The following MCU variants were observed in gnomAD, a reference collection of about 807,000 sequenced individuals.
MCU encodes the protein calcium uniporter protein, mitochondrial.
A neutral mutation model predicts 45.2 loss-of-function variants in MCU; 12 were observed. The ratio of observed to expected loss-of-function variants is 0.27; its 90% CI spans 0.17 to 0.43. The LOEUF is 0.43. MCU is among the 20% of genes least tolerant of loss of function. MCU has a pLI of 1.00. For synonymous variants in MCU, 160 were observed against 165.1 expected, an observed-to-expected ratio of 0.97 and a Z score of 0.24; for missense variants, 324 against 436.7, an observed-to-expected ratio of 0.74 and a Z score of 2.30.
chr10:72,857,574 A>G (rs2132866291), intron 2 of MCU, among the ~76,000 whole-genome samples: 1 of 152,250 alleles, frequency 6.6e-6, no homozygotes, highest in Middle Eastern at 3.4e-3. Context: ...TGAGGCTCAG[A>G]GAAGTTATAT....
intron 1 of MCU, among the ~76,000 whole-genome samples, chr10:72,736,192 T>C (rs1843250442): frequency 1.3e-5 from 2 of 152,230 alleles, no homozygotes; most frequent in African/African-American, 4.8e-5. Context: ...ATATGGATTT[T>C]TTTTTGCCAT....
At chr10:72,782,404 C>G (rs1211970802) in intron 1 of MCU, among the ~76,000 whole-genome samples, 1 of 152,258 alleles carries the variant, frequency 6.6e-6, no homozygotes, top group African/African-American at 2.4e-5. Context: ...GAGTTTTGCT[C>G]TTGTCACCTG....
chr10:72,829,868 T>C (rs142447444), intron 1 of MCU, among the ~76,000 whole-genome samples: 3 of 152,344 alleles, frequency 2.0e-5, no homozygotes, highest in Non-Finnish European at 4.4e-5. Flanking sequence ...TTGTTGTCTT[T>C]AGTAGATTCT....
chr10:72,775,510 A>G (rs548399628), intron 1 of MCU, among the ~76,000 whole-genome samples: 3 of 152,258 alleles, frequency 2.0e-5, no homozygotes, highest in East Asian at 1.9e-4. Flanking sequence ...ACCCAAAATT[A>G]GTAGTAGGAA....
chr10:72,730,395 TCTC>T (rs1843157695), intron 1 of MCU, among the ~76,000 whole-genome samples: 1 of 151,486 alleles, frequency 6.6e-6, no homozygotes, highest in Non-Finnish European at 1.5e-5. Flanking sequence ...TTCAAGCTAT[TCTC>T]CTGCCTCAGC....
chr10:72,771,527 C>T (rs1253058232), intron 1 of MCU, among the ~76,000 whole-genome samples: 1 of 152,130 alleles, frequency 6.6e-6, no homozygotes, highest in Non-Finnish European at 1.5e-5. Flanking sequence ...TTATAGTAGA[C>T]TGATTTATAA....
Position 72,884,285 on chromosome 10 carries a change from C to T in MCU, c.881C>T (p.Ala294Val), listed in dbSNP as rs1286271587. 1 of 1,606,488 alleles carries T rather than the reference C, an allele frequency of 6.2e-7. No individual in the cohort carries two copies. The highest frequency in any genetic ancestry group is 2.2e-5 in the East Asian group (1 of 44,774). Reference protein sequence around the residue: ...MTRQEYVYPEARDRQYLLFFH... With the variant: ...MTRQEYVYPEVRDRQYLLFFH... Reference sequence around the variant, plus strand: ...TTTTAGGAATATGTTTATCCAGAAGCCAGAGACAGACAATACTTACTATTT... The same window carrying T: ...TTTTAGGAATATGTTTATCCAGAAGTCAGAGACAGACAATACTTACTATTT... The change falls in exon 7 of 8, where the codon GCC (alanine) becomes GTC (valine). Residue 294 changes from alanine (A) to valine (V), a missense_variant. Around this residue, in one of 4 missense-constraint regions of MCU, gnomAD observed 76 missense variants for 99.4 expected, o/e 0.76. Transcript: ENST00000373053.
At chr10:72,748,951 A>G (rs938623089) in intron 1 of MCU, among the ~76,000 whole-genome samples, 3 of 152,160 alleles carry the variant, frequency 2.0e-5, no homozygotes, top group African/African-American at 7.2e-5. Context: ...ACTATTCCAC[A>G]CTATCAAATA....
intron 1 of MCU, among the ~76,000 whole-genome samples, chr10:72,739,582 T>A (rs943724558): frequency 6.6e-6 from 1 of 152,226 alleles, no homozygotes; most frequent in African/African-American, 2.4e-5. Context: ...CAACTTCTTA[T>A]GTTCCCAAAG....
chr10:72,780,135 G>C (rs559641488), intron 1 of MCU, among the ~76,000 whole-genome samples: 2 of 152,260 alleles, frequency 1.3e-5, no homozygotes, highest in Admixed American at 1.3e-4. Context: ...CTATAACCCA[G>C]ATGAACCTTG....
chr10:72,780,339 G>A (rs1345243545), intron 1 of MCU, among the ~76,000 whole-genome samples: 1 of 152,096 alleles, frequency 6.6e-6, no homozygotes, highest in Non-Finnish European at 1.5e-5. Flanking sequence ...AGATAGTGGT[G>A]ATGGTTACAT....
chr10:72,740,778 G>T (rs1589439399), intron 1 of MCU, among the ~76,000 whole-genome samples: 1 of 152,328 alleles, frequency 6.6e-6, no homozygotes, highest in East Asian at 1.9e-4. Flanking sequence ...GTTAAGTGTG[G>T]CTGTGTCTCA....
At chr10:72,878,957 C>T (rs1226618024) in intron 6 of MCU, among the ~76,000 whole-genome samples, 1 of 152,062 alleles carries the variant, frequency 6.6e-6, no homozygotes, top group Non-Finnish European at 1.5e-5. Context: ...CCAACCAATA[C>T]CAGCCAATAT....
At chr10:72,730,670 A>G (rs572129550) in intron 1 of MCU, 1 of 152,232 alleles carries the variant, frequency 6.6e-6, no homozygotes. Context: ...CAGTCTCTGA[A>G]TATGACCTCT....
chr10:72,849,083 A>G (rs549139232), intron 2 of MCU, among the ~76,000 whole-genome samples: 1 of 152,142 alleles, frequency 6.6e-6, no homozygotes, highest in East Asian at 1.9e-4. Flanking sequence ...ATTCGAGACC[A>G]GCCTGGCCAA....
intron 6 of MCU, among the ~76,000 whole-genome samples, chr10:72,878,504 C>G (rs1337585651): frequency 1.3e-5 from 2 of 152,116 alleles, no homozygotes; most frequent in African/African-American, 4.8e-5. Flanking sequence ...TACAAACAGA[C>G]ACAAGGACTC....
chr10:72,692,413 C>A, intron 1 of MCU, 112 bp downstream of exon 1: 1 of 974,058 alleles, frequency 1.0e-6, no homozygotes, highest in Non-Finnish European at 1.2e-6. Context: ...CTCCCGGCCG[C>A]TCCGGAGGTT....
chr10:72,786,798 G>A (rs1045829221), intron 1 of MCU, among the ~76,000 whole-genome samples: 12 of 152,170 alleles, frequency 7.9e-5, no homozygotes, highest in African/African-American at 2.9e-4. Flanking sequence ...AAGCACAAAA[G>A]CACTGCTTTT....
At chr10:72,881,874 A>G (rs907538918) in intron 6 of MCU, among the ~76,000 whole-genome samples, 12 of 152,218 alleles carry the variant, frequency 7.9e-5, no homozygotes, top group Non-Finnish European at 1.6e-4. Context: ...AGGATTGTAC[A>G]TAATAGCCCC....
Sources: allele counts gnomAD v4.1 joint callset (sites outside exome capture counted in the v4.1 genomes callset), GRCh38; gene constraint gnomAD v4.1.1; regional missense constraint gnomAD v4.1.1; transcripts MANE v1.5; gene names NCBI Gene and HGNC (gene_info 2026-07-23, HGNC 2026-07-21).